HMCN1: variants seen among roughly 807,000 people sequenced by gnomAD.
The protein encoded by HMCN1 is hemicentin-1.
In HMCN1, 321 loss-of-function variants were observed where a neutral mutation model predicts 625.9. That is an observed-to-expected ratio of 0.51 (90% CI 0.47 to 0.56). The LOEUF (loss-of-function observed/expected upper bound fraction) is 0.56, where lower values mean the gene tolerates loss of function less well. Among genes scored for constraint, HMCN1 ranks in the 20% least tolerant of loss-of-function variants. HMCN1 has a pLI of 0.00. For missense variants in HMCN1, 6,588 were observed against 6,887.3 expected, an observed-to-expected ratio of 0.96 and a Z score of 1.54; for synonymous variants, 2,425 against 2,417.6, an observed-to-expected ratio of 1.00 and a Z score of -0.09.
At chr1:186,117,147 T>A in intron 76 of HMCN1, 32 bp downstream of exon 76, 1 of 1,611,906 alleles carries the variant, frequency 6.2e-7, no homozygotes, top group African/African-American at 1.3e-5. Context: ...GATTGAAACA[T>A]GATAATGCTA....
chr1:186,164,124 A>G (rs1297700762), intron 97 of HMCN1, among the ~76,000 whole-genome samples: 1 of 152,114 alleles, frequency 6.6e-6, no homozygotes, highest in Non-Finnish European at 1.5e-5. Flanking sequence ...TTTCTGTCCC[A>G]TCTATCCTAG....
Position 186,166,939 on chromosome 1 carries a change from C to T in HMCN1, c.15571C>T (p.Gln5191Ter), listed in dbSNP as rs894178935. The T allele has an allele frequency of 6.2e-7, 1 of 1,614,032 alleles. No homozygotes were observed. Among genetic ancestry groups the T allele is most frequent in the Non-Finnish European group, 8.5e-7 (1 of 1,179,964 alleles). ...AAGAACCTCTGATGGGCTGAGTTGT[C>T]AAGGTATAAAAATGGAGGCCTTTTC... ...FRRTSDGLSC[Q>*]DINECQESSP... Residue 5191 changes from glutamine (Q) to a stop codon, truncating the protein, a stop_gained, in exon 100 of 107, where the codon CAA (glutamine) becomes TAA (stop). Transcript: ENST00000271588. LOFTEE classifies it high-confidence loss of function.
intron 1 of HMCN1, among the ~76,000 whole-genome samples, chr1:185,809,007 G>A (rs541917265): frequency 6.6e-6 from 1 of 152,268 alleles, no homozygotes; most frequent in African/African-American, 2.4e-5. Flanking sequence ...CAGAGCCAAA[G>A]GATCCAAATG....
At chr1:186,114,307 A>T (rs931414106) in intron 73 of HMCN1, among the ~76,000 whole-genome samples, 184 bp downstream of exon 73, 1 of 152,128 alleles carries the variant, frequency 6.6e-6, no homozygotes, top group African/African-American at 2.4e-5. Context: ...CCCAGGCTGG[A>T]GTGCAGTGGC....
intron 1 of HMCN1, among the ~76,000 whole-genome samples, chr1:185,822,172 C>T (rs1660227308): frequency 6.6e-6 from 1 of 152,054 alleles, no homozygotes; most frequent in Non-Finnish European, 1.5e-5. Context: ...CAGTGTACAA[C>T]ACCAAGAGGG....
chr1:185,816,165 C>G (rs536395283), intron 1 of HMCN1, among the ~76,000 whole-genome samples: 1 of 140,412 alleles, frequency 7.1e-6, no homozygotes, highest in African/African-American at 3.3e-5. Flanking sequence ...ACTATCTGGT[C>G]AGAATGGAAG....
At chr1:185,754,294 A>G (rs1655000973) in intron 1 of HMCN1, among the ~76,000 whole-genome samples, 2 of 152,294 alleles carry the variant, frequency 1.3e-5, no homozygotes, top group South Asian at 4.1e-4. Flanking sequence ...TGGTGAACGG[A>G]TACAATGCTT....
chr1:186,184,959 A>G (rs1001937016), intron 105 of HMCN1, among the ~76,000 whole-genome samples: 2 of 152,138 alleles, frequency 1.3e-5, no homozygotes, highest in Non-Finnish European at 2.9e-5. Context: ...TGAGTAGAGT[A>G]AATAAGTAGA....
At chr1:185,957,844 G>A (rs1477015284) in intron 11 of HMCN1, among the ~76,000 whole-genome samples, 1 of 152,132 alleles carries the variant, frequency 6.6e-6, no homozygotes, top group African/African-American at 2.4e-5. Flanking sequence ...ATTTAATGAT[G>A]AGAATTACTT....
At chr1:185,796,045 A>G (rs1005786015) in intron 1 of HMCN1, among the ~76,000 whole-genome samples, 7 of 152,242 alleles carry the variant, frequency 4.6e-5, no homozygotes, top group East Asian at 1.9e-4. Flanking sequence ...TAGCGTAACC[A>G]TCACCTGAAT....
chr1:186,123,776 C>T (rs1367089661), intron 81 of HMCN1, among the ~76,000 whole-genome samples: 1 of 152,026 alleles, frequency 6.6e-6, no homozygotes, highest in Admixed American at 6.6e-5. Flanking sequence ...AGGATAGAAT[C>T]CACGTTAATA....
intron 78 of HMCN1, 88 bp downstream of exon 78, chr1:186,119,386 C>T (rs1330841766): frequency 6.2e-6 from 6 of 961,730 alleles, no homozygotes; most frequent in South Asian, 2.6e-5. Flanking sequence ...TAGGTACTGT[C>T]GAGAGCTATG....
chr1:185,986,786 A>G (rs1652020685), intron 19 of HMCN1, among the ~76,000 whole-genome samples: 1 of 149,840 alleles, frequency 6.7e-6, no homozygotes, highest in East Asian at 2.0e-4. Context: ...TGAGCCTAGG[A>G]GTTCAAGACC....
In HMCN1 at chr1:186,137,985, C is replaced by A; in HGVS notation, c.13924+13C>A. 1 of 1,613,646 alleles carries A rather than the reference C, an allele frequency of 6.2e-7. No individual in the cohort carries two copies. ...AGGCCTTGCCCAGGTGAGAAACCAC[C>A]AATAATGCTAAGATAAACAAAACTT... On this transcript the variant is annotated intron_variant, in intron 89 of 106. Coordinates refer to ENST00000271588, the MANE Select transcript of HMCN1 (RefSeq NM_031935.3).
rs747293183 is a variant in HMCN1 at position 185,962,572 on chromosome 1, A to T, written c.1883A>T (p.Glu628Val). 5 of 1,609,662 alleles carry T rather than the reference A, an allele frequency of 3.1e-6. No individual in the cohort carries two copies. Among genetic ancestry groups the T allele is most frequent in the Middle Eastern group, 1.7e-4 (1 of 6,048 alleles). ...AATCAGTCTTTCACAGGAGGGTCTG[A>T]GGTCTCCATCATGTGTTCTGCAACA... ...PKNQSFTGGS[E>V]VSIMCSATGY... is the part of the protein sequence containing the mutation. The change falls in exon 12 of 107, where the codon GAG becomes GTG. Residue 628 changes from glutamate (E) to valine (V), a missense_variant. This residue lies in a region of HMCN1 where 4,628 missense variants were observed against 4,853.1 expected (regional missense o/e 0.95). Transcript: ENST00000271588.
At chr1:186,180,332 G>A (rs1277076679) in intron 104 of HMCN1, among the ~76,000 whole-genome samples, 1 of 152,116 alleles carries the variant, frequency 6.6e-6, no homozygotes, top group Admixed American at 6.5e-5. Flanking sequence ...CCACTAGAGG[G>A]TTTTCACAGC....
intron 1 of HMCN1, 62 bp from the exon 2 acceptor site, chr1:185,845,964 C>A: frequency 9.5e-7 from 1 of 1,056,444 alleles, no homozygotes; most frequent in Non-Finnish European, 1.5e-6. Flanking sequence ...TCTATAAACA[C>A]AAGAAAGTCT....
intron 4 of HMCN1, among the ~76,000 whole-genome samples, chr1:185,874,638 C>A (rs1663819892): frequency 6.6e-6 from 1 of 151,670 alleles, no homozygotes; most frequent in Admixed American, 6.6e-5. Context: ...GCTGCAGACC[C>A]CAGAAGAAAA....
chr1:185,919,015 A>G (rs1666866378), intron 6 of HMCN1, among the ~76,000 whole-genome samples: 1 of 151,702 alleles, frequency 6.6e-6, no homozygotes, highest in Admixed American at 6.6e-5. Flanking sequence ...TCTAGATGAT[A>G]AAAAAAGACC....
Sources: allele counts gnomAD v4.1 joint callset (sites outside exome capture counted in the v4.1 genomes callset), GRCh38; gene constraint gnomAD v4.1.1; regional missense constraint gnomAD v4.1.1; transcripts MANE v1.5; gene names NCBI Gene and HGNC (gene_info 2026-07-23, HGNC 2026-07-21).